NXPH1: variants seen among roughly 807,000 people sequenced by gnomAD.
NXPH1 encodes neurexophilin-1.
Under a neutral mutation model 23.7 loss-of-function variants are expected in NXPH1, and 5 were observed. The observed-to-expected ratio is 0.21, with a 90% CI of 0.11 to 0.44. NXPH1 has a LOEUF of 0.44. Among genes scored for constraint, NXPH1 ranks in the 20% least tolerant of loss-of-function variants. The pLI is 0.99. For synonymous variants in NXPH1, 144 were observed against 122.2 expected (o/e 1.18, Z -1.18); for missense variants, 324 against 321.6 (o/e 1.01, Z -0.06).
intron 2 of NXPH1, among the ~76,000 whole-genome samples, chr7:8,698,177 C>A (rs1054704331): frequency 6.6e-6 from 1 of 152,146 alleles, no homozygotes; most frequent in African/African-American, 2.4e-5. Flanking sequence ...GAGTTCTGTA[C>A]CATGACAAAC....
At chr7:8,463,761 C>T (rs1431429176) in intron 2 of NXPH1, among the ~76,000 whole-genome samples, 4 of 152,080 alleles carry the variant, frequency 2.6e-5, no homozygotes, top group African/African-American at 9.7e-5. Flanking sequence ...TTGAGTTAGT[C>T]ACTTAAGCTT....
chr7:8,596,748 C>G (rs922114866), intron 2 of NXPH1, among the ~76,000 whole-genome samples: 1 of 152,064 alleles, frequency 6.6e-6, no homozygotes, highest in African/African-American at 2.4e-5. Flanking sequence ...CCAGGTCATG[C>G]AGTTGATAAA....
chr7:8,484,271 T>C (rs185316851), intron 2 of NXPH1, among the ~76,000 whole-genome samples: 23 of 152,058 alleles, frequency 1.5e-4, no homozygotes, highest in African/African-American at 5.1e-4. Flanking sequence ...GCCTTACATA[T>C]CAAGAATTTG....
At chr7:8,439,886 G>T (rs1164944106) in intron 2 of NXPH1, among the ~76,000 whole-genome samples, 2 of 152,184 alleles carry the variant, frequency 1.3e-5, no homozygotes, top group African/African-American at 4.8e-5. Context: ...CTAGGTATGT[G>T]TGCTTCTCAT....
chr7:8,657,743 C>T (rs981593200), intron 2 of NXPH1, among the ~76,000 whole-genome samples: 3 of 152,226 alleles, frequency 2.0e-5, no homozygotes, highest in Non-Finnish European at 4.4e-5. Context: ...GAAAGCAATA[C>T]TGGACCAGGT....
intron 2 of NXPH1, among the ~76,000 whole-genome samples, chr7:8,644,058 TGG>T (rs1177806223): frequency 6.6e-6 from 1 of 152,228 alleles, no homozygotes; most frequent in African/African-American, 2.4e-5. Context: ...GTTCCACAGC[TGG>T]GCGTTACACA....
chr7:8,687,885 T>C (rs1471677027), intron 2 of NXPH1, among the ~76,000 whole-genome samples: 1 of 152,156 alleles, frequency 6.6e-6, no homozygotes, highest in Admixed American at 6.6e-5. Context: ...TTATTTTATT[T>C]TTAATATATT....
intron 2 of NXPH1, among the ~76,000 whole-genome samples, chr7:8,676,607 T>A (rs1199940129): frequency 6.6e-6 from 1 of 152,180 alleles, no homozygotes; most frequent in Non-Finnish European, 1.5e-5. Flanking sequence ...AAAGAAAAAG[T>A]GATGGCTGGT....
intron 2 of NXPH1, among the ~76,000 whole-genome samples, chr7:8,444,721 C>A (rs1288404637): frequency 6.6e-6 from 1 of 152,170 alleles, no homozygotes. Flanking sequence ...CTAGCTCGCC[C>A]CTCCCTTATA....
intron 2 of NXPH1, among the ~76,000 whole-genome samples, chr7:8,473,854 G>T (rs1441859114): frequency 6.6e-6 from 1 of 151,882 alleles, no homozygotes; most frequent in African/African-American, 2.4e-5. Context: ...TACCCCCAAA[G>T]AACCGACGGT....
chr7:8,454,743 C>G (rs745397853), intron 2 of NXPH1, among the ~76,000 whole-genome samples: 6 of 151,616 alleles, frequency 4.0e-5, no homozygotes, highest in African/African-American at 7.2e-5. Context: ...ACTTTTCCAG[C>G]AATCAGTGCT....
chr7:8,731,933 C>A (rs868258199), intron 2 of NXPH1, among the ~76,000 whole-genome samples: 1 of 152,232 alleles, frequency 6.6e-6, no homozygotes, highest in South Asian at 2.1e-4. Context: ...GGCGCCCCTC[C>A]CCCGGCCTTG....
At chr7:8,451,616 A>T (rs923812578) in intron 2 of NXPH1, among the ~76,000 whole-genome samples, 1 of 152,236 alleles carries the variant, frequency 6.6e-6, no homozygotes, top group Admixed American at 6.5e-5. Context: ...GGTATGTGAC[A>T]ATTATTCAGT....
chr7:8,501,276 C>T (rs768616832), intron 2 of NXPH1, among the ~76,000 whole-genome samples: 4 of 151,942 alleles, frequency 2.6e-5, no homozygotes, highest in East Asian at 3.9e-4. Flanking sequence ...CATGAGAAAC[C>T]GTAGTTTGTT....
At chr7:8,703,517 G>C (rs1779659026) in intron 2 of NXPH1, among the ~76,000 whole-genome samples, 2 of 151,532 alleles carry the variant, frequency 1.3e-5, no homozygotes, top group South Asian at 4.2e-4. Flanking sequence ...GGTTGGTTTG[G>C]TTATGTATTT....
At chr7:8,490,819 C>G (rs145505365) in intron 2 of NXPH1, among the ~76,000 whole-genome samples, 4 of 151,964 alleles carry the variant, frequency 2.6e-5, no homozygotes, top group Non-Finnish European at 5.9e-5. Context: ...CACAACAGCC[C>G]CACCTTCCAG....
chr7:8,646,681 C>T (rs751266445), intron 2 of NXPH1, among the ~76,000 whole-genome samples: 21 of 152,114 alleles, frequency 1.4e-4, no homozygotes, highest in Middle Eastern at 3.4e-3. Context: ...TTTTCCTATT[C>T]TATCAAGGTG....
chr7:8,668,269 TA>T (rs71017617), intron 2 of NXPH1, among the ~76,000 whole-genome samples: 57,826 of 112,296 alleles, frequency 0.51, 11,413 homozygotes, highest in East Asian at 0.66. Context: ...TTTTTTTTTT[TA>T]TTTTGTTGTT....
chr7:8,551,192 C>A (rs550564628), intron 2 of NXPH1, among the ~76,000 whole-genome samples: 1 of 151,490 alleles, frequency 6.6e-6, no homozygotes, highest in Non-Finnish European at 1.5e-5. Context: ...AACTATTATA[C>A]CCTATTCAAT....
Sources: gnomAD v4.1 joint callset for allele counts (sites outside exome capture counted in the v4.1 genomes callset) on GRCh38, gnomAD v4.1.1 for gene constraint, MANE v1.5 for transcripts, NCBI Gene and HGNC (gene_info 2026-07-23, HGNC 2026-07-21) for gene names.